Variants in SAP130 observed in about 807,000 individuals in gnomAD.
SAP130 encodes histone deacetylase complex subunit SAP130.
In SAP130, 16 loss-of-function variants were observed where a neutral mutation model predicts 103.2. The observed-to-expected ratio is 0.16, with a 90% CI of 0.10 to 0.24. SAP130 has a LOEUF of 0.24. SAP130 is among the 10% of genes least tolerant of loss of function. The pLI is 1.00. For missense variants in SAP130, 990 were observed against 1,359.7 expected, an observed-to-expected ratio of 0.73 and a Z score of 4.28; for synonymous variants, 477 against 497.0, an observed-to-expected ratio of 0.96 and a Z score of 0.53.
chr2:128,006,915 G>T (rs1369096749), intron 7 of SAP130, among the ~76,000 whole-genome samples: 1 of 152,156 alleles, frequency 6.6e-6, no homozygotes, highest in Non-Finnish European at 1.5e-5. Flanking sequence ...TAGACATTAG[G>T]AATTTATTGT....
chr2:128,014,710 G>A (rs1393218393), intron 5 of SAP130, 93 bp downstream of exon 5: 3 of 885,982 alleles, frequency 3.4e-6, no homozygotes, highest in Non-Finnish European at 5.5e-6. Flanking sequence ...ACTTTAACAA[G>A]CTGATTCTAG....
At position 128,000,339 on chromosome 2, in the gene SAP130, T is replaced by C. The variant is rs780379111; in HGVS notation, c.985A>G (p.Thr329Ala). 3 of 1,614,208 alleles carry C rather than the reference T, an allele frequency of 1.9e-6. No homozygotes were observed. The highest frequency in any genetic ancestry group is 2.2e-5 in the East Asian group (1 of 44,892). The change falls in exon 8 of 21, where the codon ACG becomes GCG. Residue 329 changes from threonine to alanine, a missense_variant. By Grantham distance (58) the Thr-to-Ala change is moderately conservative. Coordinates refer to ENST00000643581, the MANE Select transcript of SAP130 (RefSeq NM_001330301.2). Reference sequence around the variant, plus strand: ...ATTGTATGAAGCTGCTGTTTTGGCGTCCCTAATGCAGGGTGAGATGGTAGT... The same window carrying C: ...ATTGTATGAAGCTGCTGTTTTGGCGCCCCTAATGCAGGGTGAGATGGTAGT... ...ITLPSHPALGTPKQQLHTMAQ... is the reference protein window; with the variant it reads ...ITLPSHPALGAPKQQLHTMAQ...
At chr2:127,967,341 TA>T (rs1335850591) in intron 15 of SAP130, among the ~76,000 whole-genome samples, 11 of 152,174 alleles carry the variant, frequency 7.2e-5, no homozygotes, top group Non-Finnish European at 1.3e-4. Flanking sequence ...TGTGACAGAA[TA>T]AAGGAGATAC....
chr2:127,977,057 A>G (rs748442021), intron 15 of SAP130, among the ~76,000 whole-genome samples: 2 of 152,200 alleles, frequency 1.3e-5, no homozygotes, highest in East Asian at 3.8e-4. Flanking sequence ...ACCAGTCAAC[A>G]TTATTCTAGG....
chr2:128,012,999 G>A (rs771825507), intron 6 of SAP130, 31 bp downstream of exon 6: 1 of 1,585,760 alleles, frequency 6.3e-7, no homozygotes. Flanking sequence ...ACTCCAATGA[G>A]GCCCTTAATG....
At position 128,014,925 on chromosome 2, in the gene SAP130, G is replaced by C; in HGVS notation, c.508-11C>G. On this transcript the variant is annotated splice_polypyrimidine_tract_variant and intron_variant, in intron 4 of 20. Coordinates refer to ENST00000643581, the MANE Select transcript of SAP130 (RefSeq NM_001330301.2). The stretch of plus-strand genomic sequence containing the variant: ...GTTACTGGGATGGCCCTGAAAGAAA[G>C]AGGATAGAACGTTATTTTTACATGT... 1 of 1,606,416 alleles carries C rather than the reference G, an allele frequency of 6.2e-7. No individual in the cohort carries two copies. Among genetic ancestry groups the C allele is most frequent in the African/African-American group, 1.3e-5 (1 of 74,842 alleles).
chr2:127,942,554 G>A lies in SAP130; in HGVS notation c.2902-17C>T. The A allele has an allele frequency of 2.1e-6, 3 of 1,444,738 alleles. No homozygotes were observed. The highest frequency in any genetic ancestry group is 2.3e-5 in the East Asian group (1 of 44,102). The allele number at this position is 1,444,738 out of a possible 1,614,324, so 89.5% of individuals were successfully genotyped here. A position where few individuals can be genotyped will look rare whatever the true frequency, so the allele number is the denominator to read the frequency against. On this transcript the variant is annotated splice_polypyrimidine_tract_variant and intron_variant, in intron 19 of 20. Coordinates refer to ENST00000643581, the MANE Select transcript of SAP130 (RefSeq NM_001330301.2). This position sits in a 1 kb window ranked among gnomAD's most constrained non-coding sequence, Gnocchi z 4.8. ...TAGATTCGTCTGCAACACACAAAAGGGAGGGTATCATAAGCTCGGAAATAT... is the reference window on the plus strand; with the variant it reads ...TAGATTCGTCTGCAACACACAAAAGAGAGGGTATCATAAGCTCGGAAATAT...
In SAP130 at chr2:127,960,485, G is replaced by A. The variant is rs536522662; in HGVS notation, c.2064-5141C>T. Among the ~76,000 whole-genome samples the A allele has an allele frequency of 2.0e-5, 3 of 152,282 alleles. No homozygotes were observed. In the South Asian group the frequency reaches 6.2e-4, roughly 32 times the overall value. On this transcript the variant is annotated intron_variant, in intron 15 of 20. Coordinates refer to ENST00000643581, the MANE Select transcript of SAP130 (RefSeq NM_001330301.2). ...TAGGTTTGGTGGAAAGTTTGAAGATGAACTAGTGATATCTAGAAAAGCCTA... is the reference window on the plus strand; with the variant it reads ...TAGGTTTGGTGGAAAGTTTGAAGATAAACTAGTGATATCTAGAAAAGCCTA...
intron 15 of SAP130, among the ~76,000 whole-genome samples, chr2:127,959,096 T>C (rs1241254618): frequency 6.6e-6 from 1 of 152,144 alleles, no homozygotes; most frequent in Non-Finnish European, 1.5e-5. Flanking sequence ...TTGTGTTATA[T>C]ATAAACCAAG....
intron 7 of SAP130, among the ~76,000 whole-genome samples, chr2:128,004,988 T>C (rs777504396): frequency 1.3e-5 from 2 of 152,176 alleles, no homozygotes; most frequent in Non-Finnish European, 2.9e-5. Flanking sequence ...TTAAAGATGC[T>C]AAAAGACAAA....
intron 2 of SAP130, among the ~76,000 whole-genome samples, chr2:128,023,804 A>G (rs1031253976): frequency 1.3e-5 from 2 of 151,974 alleles, no homozygotes; most frequent in African/African-American, 2.4e-5. Context: ...TCATTTCCCT[A>G]TTGAATTACT....
Position 127,953,432 on chromosome 2 carries a change from G to A in SAP130, c.2422+1554C>T, listed in dbSNP as rs763242215. 9.2e-5 allele frequency among the ~76,000 whole-genome samples: 14 copies of A among 152,168 alleles called. No homozygotes were observed. Among genetic ancestry groups the A allele is most frequent in the Admixed American group, 2.0e-4 (3 of 15,262 alleles). On this transcript the variant is annotated intron_variant, in intron 16 of 20. Coordinates refer to ENST00000643581, the MANE Select transcript of SAP130 (RefSeq NM_001330301.2). This position sits in a 1 kb window ranked among gnomAD's most constrained non-coding sequence, Gnocchi z 4.0. ...GAGTCTGTTCTTTCCCCAGCAGCCAGAGTGTTTATCTTCAGTCCTAAGTGA... is the reference window on the plus strand; with the variant it reads ...GAGTCTGTTCTTTCCCCAGCAGCCAAAGTGTTTATCTTCAGTCCTAAGTGA...
chr2:127,974,171 A>T (rs1681286918), intron 15 of SAP130, among the ~76,000 whole-genome samples: 3 of 152,232 alleles, frequency 2.0e-5, no homozygotes, highest in Admixed American at 6.5e-5. Flanking sequence ...GCTGCAGTTT[A>T]TTCTCAGCAC....
At chr2:127,975,993 C>T (rs1419182470) in intron 15 of SAP130, among the ~76,000 whole-genome samples, 5 of 152,198 alleles carry the variant, frequency 3.3e-5, no homozygotes, top group African/African-American at 4.8e-5. Flanking sequence ...TACAGGCACC[C>T]GCCACCATGC....
At chr2:127,956,181 T>C (rs924237583) in intron 15 of SAP130, among the ~76,000 whole-genome samples, 1 of 152,206 alleles carries the variant, frequency 6.6e-6, no homozygotes, top group Non-Finnish European at 1.5e-5. Flanking sequence ...CAGGAGCTTC[T>C]GGGATAGCTA....
At chr2:128,021,212 G>C (rs942117354) in intron 2 of SAP130, among the ~76,000 whole-genome samples, 1 of 152,062 alleles carries the variant, frequency 6.6e-6, no homozygotes, top group Non-Finnish European at 1.5e-5. Flanking sequence ...ACTTTGGGAG[G>C]CCAAGGCGGG....
At chr2:127,981,189 T>C (rs1429075456) in intron 14 of SAP130, among the ~76,000 whole-genome samples, 1 of 151,656 alleles carries the variant, frequency 6.6e-6, no homozygotes, top group African/African-American at 2.4e-5. Context: ...ACTGTCCAGT[T>C]ACAGGATGCG....
chr2:128,010,678 C>T (rs1684328011), intron 6 of SAP130, among the ~76,000 whole-genome samples: 3 of 151,982 alleles, frequency 2.0e-5, no homozygotes, highest in Admixed American at 6.6e-5. Flanking sequence ...CTGGCTAACA[C>T]AGTAAAACCC....
rs755090908 is a variant in SAP130 at position 127,942,503 on chromosome 2, G to A, written c.2936C>T (p.Thr979Ile). The change falls in exon 20 of 21, where the codon ACT becomes ATT. Residue 979 changes from threonine (T) to isoleucine (I), a missense_variant. Around this residue, in one of 6 missense-constraint regions of SAP130, gnomAD observed 69 missense variants for 165.7 expected, o/e 0.42. Transcript: ENST00000643581. The surrounding 1 kb of genome is among the most constrained non-coding windows in gnomAD (Gnocchi z 4.8). ...NLEHDVYERLTNLQEGIIPKK... is the reference protein window; with the variant it reads ...NLEHDVYERLINLQEGIIPKK... ...TGGGATAATCCCTTCCTGCAGGTTA[G>A]TAAGTCTTTCATAGACATCATGTTC... 36 of 1,613,062 alleles carry A rather than the reference G, an allele frequency of 2.2e-5. No homozygotes were observed. Among genetic ancestry groups the A allele is most frequent in the Non-Finnish European group, 2.8e-5 (33 of 1,179,146 alleles).
Sources: allele counts gnomAD v4.1 joint callset (sites outside exome capture counted in the v4.1 genomes callset), GRCh38; gene constraint gnomAD v4.1.1; regional missense constraint gnomAD v4.1.1; non-coding constraint Gnocchi (gnomAD v3.1); transcripts MANE v1.5; gene names NCBI Gene and HGNC (gene_info 2026-07-23, HGNC 2026-07-21).